SERGEF: variants seen among roughly 807,000 people sequenced by gnomAD.
SERGEF encodes the protein secretion regulating guanine nucleotide exchange factor, also known as secretion-regulating guanine nucleotide exchange factor.
A neutral mutation model predicts 50.0 loss-of-function variants in SERGEF; 51 were observed. The ratio of observed to expected loss-of-function variants is 1.02; its 90% confidence interval spans 0.81 to 1.29. The LOEUF is 1.29. SERGEF is among the 50% of genes most tolerant of loss of function. The pLI is 0.00. For synonymous variants in SERGEF, 205 were observed against 212.4 expected (o/e 0.97, Z 0.30); for missense variants, 521 against 557.0 (o/e 0.94, Z 0.65).
chr11:17,911,600 C>T (rs576028353), intron 9 of SERGEF, among the ~76,000 whole-genome samples: 3 of 151,708 alleles, frequency 2.0e-5, no homozygotes, highest in South Asian at 2.1e-4. Flanking sequence ...TGATCCTCCC[C>T]GCTCAGCCTC....
chr11:17,942,964 T>G (rs749559025), intron 9 of SERGEF, among the ~76,000 whole-genome samples: 8 of 152,158 alleles, frequency 5.3e-5, no homozygotes, highest in Admixed American at 1.3e-4. Flanking sequence ...TCATGATATA[T>G]TATCCTTTTT....
At chr11:17,849,024 G>C (rs889622613) in intron 10 of SERGEF, among the ~76,000 whole-genome samples, 1 of 152,176 alleles carries the variant, frequency 6.6e-6, no homozygotes, top group Non-Finnish European at 1.5e-5. Flanking sequence ...ACAAATCATA[G>C]AGAGATGAAA....
intron 9 of SERGEF, among the ~76,000 whole-genome samples, chr11:17,907,003 G>C (rs1837097632): frequency 6.6e-6 from 1 of 152,056 alleles, no homozygotes; most frequent in South Asian, 2.1e-4. Flanking sequence ...AGAGCACTAG[G>C]CTATAAGTCT....
chr11:17,982,342 C>T (rs1376503061), intron 8 of SERGEF, among the ~76,000 whole-genome samples: 1 of 152,142 alleles, frequency 6.6e-6, no homozygotes, highest in Non-Finnish European at 1.5e-5. Context: ...GAATTAAGGC[C>T]AGATGATCTC....
intron 9 of SERGEF, among the ~76,000 whole-genome samples, chr11:17,954,840 A>G (rs1210697747): frequency 6.6e-6 from 1 of 152,244 alleles, no homozygotes; most frequent in Non-Finnish European, 1.5e-5. Flanking sequence ...ACTGGGAGTC[A>G]AGCTGTTTGC....
At chr11:17,842,746 GC>G (rs1307975250) in intron 10 of SERGEF, among the ~76,000 whole-genome samples, 5 of 152,204 alleles carry the variant, frequency 3.3e-5, no homozygotes, top group South Asian at 2.1e-4. Context: ...TTTCTGTGGT[GC>G]TGGAGGCATT....
At position 18,006,723 on chromosome 11, in the gene SERGEF, CACAA is replaced by C. The variant is rs866719783; in HGVS notation, c.216_219del (p.Cys73AlafsTer2). 3.1e-6 allele frequency: 5 copies of C among 1,614,158 alleles called. No individual in the cohort carries two copies. Among genetic ancestry groups the C allele is most frequent in the Middle Eastern group, 1.6e-4 (1 of 6,062 alleles). On this transcript the variant is annotated frameshift_variant, in exon 3 of 11. Coordinates refer to ENST00000265965, the MANE Select transcript of SERGEF (RefSeq NM_012139.4). LOFTEE classifies it high-confidence loss of function. ...CCCAGTTGCCCATCTTTGTTCAGGC[CACAA>C]ACAAAGAGGTCTCCTCCATCTGCAA...
At chr11:18,007,321 T>G (rs1854095144) in intron 2 of SERGEF, among the ~76,000 whole-genome samples, 1 of 152,238 alleles carries the variant, frequency 6.6e-6, no homozygotes. Context: ...ACAGTCGGAA[T>G]GGAGCCCTGC....
At chr11:17,944,386 C>G (rs1852617045) in intron 9 of SERGEF, among the ~76,000 whole-genome samples, 1 of 152,208 alleles carries the variant, frequency 6.6e-6, no homozygotes, top group Non-Finnish European at 1.5e-5. Context: ...TTTCAAGAAG[C>G]TTCAGACTCT....
chr11:17,790,232 G>A (rs956727641), intron 10 of SERGEF, among the ~76,000 whole-genome samples: 1 of 152,072 alleles, frequency 6.6e-6, no homozygotes, highest in South Asian at 2.1e-4. Flanking sequence ...TGAAGTTGGT[G>A]CACATCATTT....
intron 1 of SERGEF, 29 bp from the exon 2 acceptor site, chr11:18,008,105 A>G (rs768538910): frequency 1.9e-6 from 3 of 1,604,816 alleles, no homozygotes; most frequent in Non-Finnish European, 2.6e-6. Flanking sequence ...AGGATGAAAA[A>G]GTGTGGGAAC....
intron 9 of SERGEF, among the ~76,000 whole-genome samples, chr11:17,902,616 A>G (rs1367191581): frequency 6.6e-6 from 1 of 152,216 alleles, no homozygotes; most frequent in Non-Finnish European, 1.5e-5. Context: ...GGAGCAGCAC[A>G]TGTACAAAGA....
intron 9 of SERGEF, among the ~76,000 whole-genome samples, chr11:17,892,426 T>C (rs1002099768): frequency 2.6e-5 from 4 of 152,160 alleles, no homozygotes; most frequent in African/African-American, 9.7e-5. Context: ...TGATGAGATA[T>C]GTGGAACAGT....
chr11:18,003,935 T>A (rs530366707), intron 4 of SERGEF, among the ~76,000 whole-genome samples: 2 of 152,330 alleles, frequency 1.3e-5, no homozygotes, highest in Non-Finnish European at 2.9e-5. Flanking sequence ...AAGGGGTTAA[T>A]TTTATGGTAT....
rs377280605 is a variant in SERGEF, at chr11:17,912,431, T to C, written c.1012-34187A>G. Reference sequence around the variant, plus strand: ...CAATGCCCATTTCCTGATTTTGATATGATACGACAGTTACATAAGATTCTA... The same window carrying C: ...CAATGCCCATTTCCTGATTTTGATACGATACGACAGTTACATAAGATTCTA... On this transcript the variant is annotated intron_variant, in intron 9 of 10. Coordinates refer to ENST00000265965, the MANE Select transcript of SERGEF (RefSeq NM_012139.4). Among the ~76,000 whole-genome samples the C allele has an allele frequency of 9.8e-5, 15 of 152,344 alleles. No homozygotes were observed. The East Asian group carries it at 2.9e-3, about 29-fold the overall frequency.
In SERGEF at chr11:18,007,983, T is replaced by A; in HGVS notation, c.154A>T (p.Arg52Trp). Reference sequence around the variant, plus strand: ...TGGCCCCCTCCTCCTGTGATCCTCCTGACACTCCTGGGTTTACAGAAGTCA... The same window carrying A: ...TGGCCCCCTCCTCCTGTGATCCTCCAGACACTCCTGGGTTTACAGAAGTCA... ...LNDFCKPRSV[R>W]RITGGGGHSA... The change falls in exon 2 of 11, where the codon AGG becomes TGG. Residue 52 changes from arginine to tryptophan, a missense_variant. Coordinates refer to ENST00000265965, the MANE Select transcript of SERGEF (RefSeq NM_012139.4). 6.2e-7 allele frequency: 1 copy of A among 1,614,042 alleles called. No individual in the cohort carries two copies. Among genetic ancestry groups the A allele is most frequent in the Non-Finnish European group, 8.5e-7 (1 of 1,179,914 alleles).
At chr11:17,830,649 G>GGAGAGAGAGAGGGGGGGAGA (rs1850285675) in intron 10 of SERGEF, among the ~76,000 whole-genome samples, 2 of 77,726 alleles carry the variant, frequency 2.6e-5, no homozygotes, top group African/African-American at 1.2e-4. Context: ...GGAGAGGGAG[G>GGAGAGAGAGAGGGGGGGAGA]GAGAGAGAGA....
At chr11:17,929,018 T>C (rs1382702575) in intron 9 of SERGEF, among the ~76,000 whole-genome samples, 1 of 152,200 alleles carries the variant, frequency 6.6e-6, no homozygotes, top group South Asian at 2.1e-4. Flanking sequence ...AAACTCAATC[T>C]ATAGAATTCT....
intron 10 of SERGEF, among the ~76,000 whole-genome samples, chr11:17,842,233 C>A (rs1180628733): frequency 2.0e-5 from 3 of 152,156 alleles, no homozygotes; most frequent in Non-Finnish European, 4.4e-5. Flanking sequence ...GAATAATACA[C>A]CGCAGCTATT....
Sources: allele counts gnomAD v4.1 joint callset (sites outside exome capture counted in the v4.1 genomes callset), GRCh38; gene constraint gnomAD v4.1.1; transcripts MANE v1.5; gene names NCBI Gene and HGNC (gene_info 2026-07-23, HGNC 2026-07-21).